LAMA5: variants seen among roughly 807,000 people sequenced by gnomAD.
The protein encoded by LAMA5 is laminin subunit alpha 5, also known as laminin subunit alpha-5.
In LAMA5, 260 loss-of-function variants were observed where a neutral mutation model predicts 433.4. The ratio of observed to expected loss-of-function variants is 0.60; its 90% CI spans 0.54 to 0.66. LAMA5 has a LOEUF of 0.66. Among genes scored for constraint, LAMA5 ranks in the 30% least tolerant of loss-of-function variants. The pLI is 0.00. For synonymous variants in LAMA5, 2,620 were observed against 2,226.6 expected (o/e 1.18, Z -4.97); for missense variants, 5,378 against 5,258.5 (o/e 1.02, Z -0.70).
intron 2 of LAMA5, chr20:62,353,476 C>A: frequency 4.0e-6 from 2 of 494,432 alleles, no homozygotes; most frequent in Non-Finnish European, 7.2e-6. Flanking sequence ...CCTGGAAGGG[C>A]TCCCCGCCTG....
At position 62,337,843 on chromosome 20, in the gene LAMA5, C is replaced by T; in HGVS notation, c.1987G>A (p.Glu663Lys). ...AAGCCGTGAAAGCCGGGGCTGCATT[C>T]CTGGCAGGCAGTGCCTGTGTAGCCG... The part of the protein sequence containing the change: ...RPGYTGTACQ[E>K]CSPGFHGFPS... The change falls in exon 15 of 80, where the codon GAA becomes AAA. Residue 663 changes from glutamate (E) to lysine (K), a missense_variant. Physicochemically the swap from Glu to Lys is moderately conservative, Grantham distance 56. Coordinates refer to ENST00000252999, the MANE Select transcript of LAMA5 (RefSeq NM_005560.6). The T allele has an allele frequency of 1.2e-6, 2 of 1,612,768 alleles. No homozygotes were observed. Among genetic ancestry groups the T allele is most frequent in the Admixed American group, 1.7e-5 (1 of 60,020 alleles).
In LAMA5 at chr20:62,325,566, C is replaced by T; in HGVS notation, c.5299-20G>A. 1 of 1,535,444 alleles carries T rather than the reference C, an allele frequency of 6.5e-7. No homozygotes were observed. The highest frequency in any genetic ancestry group is 9.0e-7 in the Non-Finnish European group (1 of 1,116,612). ...GTTCCCCTGTGGGTCCAGGATGGCA[C>T]CTCAGTGGGGCCACACTCAATGGGA... is the stretch of plus-strand genomic sequence containing the variant. On this transcript the variant is annotated intron_variant, in intron 40 of 79. Transcript: ENST00000252999.
chr20:62,327,634 G>A lies in LAMA5; in HGVS notation c.4833C>T (p.Ser1611=). ...CAGCATCCAGTGAGAAGGTCCCAAGGCTGCACTGGTCACATTTGGGGCCCT... is the reference window on the plus strand; with the variant it reads ...CAGCATCCAGTGAGAAGGTCCCAAGACTGCACTGGTCACATTTGGGGCCCT... The part of the protein sequence containing the change: ...NVQGPKCDQC[S]LGTFSLDAAN... Residue 1611 remains serine, a synonymous_variant, in exon 37 of 80, where the codon AGC becomes AGT. Transcript: ENST00000252999. 3 of 1,613,198 alleles carry A rather than the reference G, an allele frequency of 1.9e-6. No homozygotes were observed. Among genetic ancestry groups the A allele is most frequent in the Non-Finnish European group, 2.5e-6 (3 of 1,179,996 alleles).
intron 2 of LAMA5, among the ~76,000 whole-genome samples, chr20:62,356,849 C>T (rs1055734802): frequency 9.2e-5 from 14 of 152,260 alleles, no homozygotes; most frequent in Non-Finnish European, 1.8e-4. Context: ...GGAGGGAGGA[C>T]GCCAGCTGCT....
chr20:62,351,589 G>A, intron 6 of LAMA5, 115 bp downstream of exon 6: 1 of 913,994 alleles, frequency 1.1e-6, no homozygotes, highest in Non-Finnish European at 1.7e-6. Flanking sequence ...CAGCAGGGTT[G>A]TGGTGGGCCA....
At chr20:62,331,191 C>CAGTACGATGGGGGGGTGCAGGT (rs1980338158) in intron 28 of LAMA5, 62 bp from the exon 29 acceptor site, 2 of 661,054 alleles carry the variant, frequency 3.0e-6, no homozygotes, top group Non-Finnish European at 4.0e-6. Flanking sequence ...GGGGTGCAGG[C>CAGTACGATGGGGGGGTGCAGGT]GGTACGATGG....
chr20:62,358,334 C>T (rs544057508), intron 2 of LAMA5, among the ~76,000 whole-genome samples: 3 of 152,288 alleles, frequency 2.0e-5, no homozygotes, highest in Admixed American at 2.0e-4. Context: ...GCCGTACCCC[C>T]CAGGGAGCCC....
chr20:62,310,613 C>T, intron 75 of LAMA5, 41 bp from the exon 76 acceptor site: 1 of 1,581,346 alleles, frequency 6.3e-7, no homozygotes. Flanking sequence ...CCCAGGGCAG[C>T]TGAAAGGGAA....
Position 62,359,592 on chromosome 20 carries a change from C to G in LAMA5, c.450+2808G>C, listed in dbSNP as rs755108546. Among the ~76,000 whole-genome samples, 22 of 152,068 alleles carry G rather than the reference C, an allele frequency of 1.4e-4. No homozygotes were observed. The highest frequency in any genetic ancestry group is 2.9e-4 in the Non-Finnish European group (20 of 67,964). On this transcript the variant is annotated intron_variant, in intron 2 of 79. Coordinates refer to ENST00000252999, the MANE Select transcript of LAMA5 (RefSeq NM_005560.6). The surrounding 1 kb of genome is among the most constrained non-coding windows in gnomAD (Gnocchi z 4.3). ...AGGATGCAAGGAGATACGCAAGAAC[C>G]CCCTAGAAGGACCCCCTGGGGAAGG...
Position 62,319,695 on chromosome 20 carries a change from C to A in LAMA5, c.6860G>T (p.Arg2287Leu). 6.5e-7 allele frequency: 1 copy of A among 1,541,962 alleles called. No homozygotes were observed. The highest frequency in any genetic ancestry group is 8.7e-7 in the Non-Finnish European group (1 of 1,145,316). Residue 2287 changes from arginine (R) to leucine (L), a missense_variant, in exon 51 of 80, where the codon CGC becomes CTC. Coordinates refer to ENST00000252999, the MANE Select transcript of LAMA5 (RefSeq NM_005560.6). ...TLLAAIRAVD[R>L]TLSELMSQTG... Reference sequence around the variant, plus strand: ...GGGCTGGCCCCTACCGCTCAGGGTGCGGTCCACAGCCCGGATGGCCGCCAA... The same window carrying A: ...GGGCTGGCCCCTACCGCTCAGGGTGAGGTCCACAGCCCGGATGGCCGCCAA...
rs1280973779 is a variant in LAMA5 at position 62,334,543 on chromosome 20, G to A, written c.2561C>T (p.Thr854Ile). The change falls in exon 21 of 80, where the codon ACC becomes ATC. Residue 854 changes from threonine to isoleucine, a missense_variant. Physicochemically the swap from Thr to Ile is moderately conservative, Grantham distance 89. Coordinates refer to ENST00000252999, the MANE Select transcript of LAMA5 (RefSeq NM_005560.6). ...CCACTCGCTGCAGGTGGGGCCCTGG[G>A]TGTTGGGGCGGCACCGGCAGACGCC... ...RTGVCRCRPN[T>I]QGPTCSEPAR... The A allele has an allele frequency of 1.5e-5, 23 of 1,548,606 alleles. No homozygotes were observed. The South Asian group carries it at 2.6e-4, about 18-fold the overall frequency.
intron 20 of LAMA5, 92 bp from the exon 21 acceptor site, chr20:62,334,713 T>A: frequency 2.2e-6 from 2 of 912,020 alleles, no homozygotes; most frequent in Middle Eastern, 5.9e-4. Flanking sequence ...TGCCTGGGGC[T>A]CTCTGGATGA....
At chr20:62,353,492 G>A (rs990638248) in intron 2 of LAMA5, among the ~76,000 whole-genome samples, 22 of 152,278 alleles carry the variant, frequency 1.4e-4, no homozygotes, top group Admixed American at 6.5e-4. Flanking sequence ...GCCTGGGCTC[G>A]GGACCAACGC....
rs751808513 is a variant in LAMA5 at position 62,333,949 on chromosome 20, C to T, written c.2830G>A (p.Gly944Arg). Residue 944 changes from glycine to arginine, a missense_variant, in exon 23 of 80, where the codon GGG becomes AGG. Physicochemically the swap from Gly to Arg is moderately radical, Grantham distance 125. Coordinates refer to ENST00000252999, the MANE Select transcript of LAMA5 (RefSeq NM_005560.6). ...CCCTCCTCTCGCACAGAGACCCGCC[C>T]GCTCACACTCATGGCCCCCCGGTTG... Reference protein sequence around the residue: ...YVNRGAMSVSGRVSVREEGRS... With the variant: ...YVNRGAMSVSRRVSVREEGRS... 6.2e-7 allele frequency: 1 copy of T among 1,612,442 alleles called. No homozygotes were observed. Among genetic ancestry groups the T allele is most frequent in the East Asian group, 2.2e-5 (1 of 44,824 alleles).
intron 20 of LAMA5, 124 bp downstream of exon 20, chr20:62,334,897 G>A (rs1981284134): frequency 1.1e-6 from 1 of 891,648 alleles, no homozygotes; most frequent in South Asian, 1.6e-5. Context: ...GCACCAAGGG[G>A]CAGCCATCCA....
rs771771933 is a variant in LAMA5 at position 62,327,485 on chromosome 20, A to G, written c.4938+44T>C. The G allele has an allele frequency of 6.8e-6, 11 of 1,610,692 alleles. No individual in the cohort carries two copies. The African/African-American group carries it at 1.1e-4, about 16-fold the overall frequency. ...CCCCATCTTGCATCCAGTCCCACCT[A>G]AGACCTCCCCGAGAAGGCAATGCCC... On this transcript the variant is annotated intron_variant, in intron 37 of 79. Transcript: ENST00000252999.
chr20:62,315,797 C>A, intron 58 of LAMA5, 151 bp downstream of exon 58: 2 of 640,758 alleles, frequency 3.1e-6, no homozygotes, highest in Non-Finnish European at 5.4e-6. Context: ...TGGCACCTCC[C>A]TGGTAGGCTT....
At position 62,334,036 on chromosome 20, in the gene LAMA5, TG is replaced by T; in HGVS notation, c.2742del (p.Arg915GlyfsTer6). On this transcript the variant is annotated frameshift_variant and splice_region_variant, in exon 23 of 80. Coordinates refer to ENST00000252999, the MANE Select transcript of LAMA5 (RefSeq NM_005560.6). LOFTEE classifies it high-confidence loss of function. ...GTCAGGTTCAGCCTGGCCACGATCC[TG>T]GGCTGGGTGGGCATGGAGCGTCGGG... is the stretch of plus-strand genomic sequence containing the variant. ...RGYAQMAPVQ[P>X]RIVARLNLTS... The T allele has an allele frequency of 6.2e-7, 1 of 1,611,484 alleles. No individual in the cohort carries two copies. The highest frequency in any genetic ancestry group is 1.3e-5 in the African/African-American group (1 of 74,980).
chr20:62,314,247 C>T lies in LAMA5; in HGVS notation c.8504+57G>A, dbSNP rs538999842. The T allele has an allele frequency of 1.3e-4, 204 of 1,570,340 alleles. No individual in the cohort carries two copies. The Middle Eastern group carries it at 1.6e-3, about 12-fold the overall frequency. ...GTGCACACGGAGAGGGGAGAGATGG[C>T]GAACGGGCAAGGGCCCTGCAGTTGG... On this transcript the variant is annotated intron_variant, in intron 62 of 79. Transcript: ENST00000252999.
Sources: allele counts gnomAD v4.1 joint callset (sites outside exome capture counted in the v4.1 genomes callset), GRCh38; gene constraint gnomAD v4.1.1; non-coding constraint Gnocchi (gnomAD v3.1); transcripts MANE v1.5; gene names NCBI Gene and HGNC (gene_info 2026-07-23, HGNC 2026-07-21).